ACTR3C: variants seen among roughly 807,000 people sequenced by gnomAD.
ACTR3C encodes the protein actin-related protein 3C.
In ACTR3C, 18 loss-of-function variants were observed where a neutral mutation model predicts 26.3. The ratio of observed to expected loss-of-function variants is 0.68; its 90% CI spans 0.47 to 1.01. The LOEUF (loss-of-function observed/expected upper bound fraction) is 1.01. Ranked by LOEUF, ACTR3C falls within the 50% of genes least tolerant of loss-of-function variation. The probability of loss-of-function intolerance (pLI) is 0.00; values close to 1 mark genes in which losing one functional copy is unlikely to be tolerated. For synonymous variants in ACTR3C, 55 were observed against 94.5 expected, an observed-to-expected ratio of 0.58 and a Z score of 2.42; for missense variants, 184 against 250.7, an observed-to-expected ratio of 0.73 and a Z score of 1.80.
At chr7:150,180,991 A>G in the ACTR3C span, among the ~76,000 whole-genome samples, 2 of 151,514 alleles carry the variant, frequency 1.3e-5, no homozygotes, top group African/African-American at 2.5e-5. Flanking sequence ...ATTTCTAGTC[A>G]GATGTCATTA....
chr7:150,291,603 T>C (rs1250563287), intron 3 of ACTR3C, among the ~76,000 whole-genome samples: 1 of 152,242 alleles, frequency 6.6e-6, no homozygotes, highest in African/African-American at 2.4e-5. Context: ...CGATTAAAAA[T>C]CTTTTCAAAC....
the ACTR3C span, among the ~76,000 whole-genome samples, chr7:149,936,943 C>T: frequency 6.6e-6 from 1 of 151,444 alleles, no homozygotes; most frequent in African/African-American, 2.4e-5. Flanking sequence ...GCATGTGCCA[C>T]CATACCCAGC....
the ACTR3C span, among the ~76,000 whole-genome samples, chr7:149,889,577 A>G: frequency 6.6e-6 from 1 of 152,220 alleles, no homozygotes; most frequent in African/African-American, 2.4e-5. Context: ...TAAAGTCACA[A>G]TGAGACATTT....
the ACTR3C span, among the ~76,000 whole-genome samples, chr7:149,912,789 A>C: frequency 0.98 from 148,598 of 151,956 alleles, 72,737 homozygotes; most frequent in East Asian, 1. Flanking sequence ...CGTGAGCCAC[A>C]GTGCCTGGCC....
At chr7:150,035,722 A>G in the ACTR3C span, among the ~76,000 whole-genome samples, 3 of 136,764 alleles carry the variant, frequency 2.2e-5, 1 homozygote, top group East Asian at 4.2e-4. Context: ...GGGGGTGAAG[A>G]TGGTCTGGCT....
In ACTR3C at chr7:150,293,318, G is replaced by A. The variant is rs1182237290; in HGVS notation, c.147C>T (p.Ile49=). ...TATTAACTATTCTGCTTACCACTGG[G>A]ATAACATGGGTGACTCCATCTCCGC... ...IDSGDGVTHV[I]PVAEGYVIGS... The change falls in exon 3 of 8, where the codon ATC becomes ATT. Residue 49 remains isoleucine (I), a synonymous_variant. Transcript: ENST00000683684. 1 of 1,583,160 alleles carries A rather than the reference G, an allele frequency of 6.3e-7. No homozygotes were observed. The highest frequency in any genetic ancestry group is 2.3e-5 in the East Asian group (1 of 44,150).
chr7:149,914,841 GA>G, the ACTR3C span, among the ~76,000 whole-genome samples: 1 of 151,340 alleles, frequency 6.6e-6, no homozygotes, highest in Non-Finnish European at 1.5e-5. Context: ...CAGAGTAAAG[GA>G]AAAGGATTTT....
At chr7:150,160,565 T>C in the ACTR3C span, among the ~76,000 whole-genome samples, 1 of 152,232 alleles carries the variant, frequency 6.6e-6, no homozygotes, top group Admixed American at 6.5e-5. Context: ...TTGATGTTTA[T>C]ATTTGCTACA....
chr7:150,299,384 G>A (rs575482413), intron 1 of ACTR3C, among the ~76,000 whole-genome samples: 52 of 147,546 alleles, frequency 3.5e-4, no homozygotes, highest in African/African-American at 1.3e-3. Flanking sequence ...CCAGGAGGTC[G>A]AGGCTGTCTG....
the ACTR3C span, among the ~76,000 whole-genome samples, chr7:149,982,848 C>G: frequency 6.6e-6 from 1 of 151,360 alleles, no homozygotes; most frequent in African/African-American, 2.5e-5. Flanking sequence ...ATAATTTTAT[C>G]TTTTTCTCAT....
chr7:150,261,001 C>T (rs11978353), intron 6 of ACTR3C, among the ~76,000 whole-genome samples: 16,968 of 150,452 alleles, frequency 0.11, 1,756 homozygotes, highest in African/African-American at 0.26. Flanking sequence ...TATATTGAAA[C>T]TGTAGTACTA....
the ACTR3C span, among the ~76,000 whole-genome samples, chr7:149,982,078 T>A: frequency 6.6e-6 from 1 of 152,192 alleles, no homozygotes. Flanking sequence ...CAAAAAAGAC[T>A]GCAGAAGCCT....
At chr7:150,036,797 C>T in the ACTR3C span, among the ~76,000 whole-genome samples, 1 of 137,490 alleles carries the variant, frequency 7.3e-6, no homozygotes, top group Non-Finnish European at 1.7e-5. Flanking sequence ...AATTGGACAC[C>T]TAACACCCAC....
chr7:150,288,745 C>A (rs1835977275), intron 4 of ACTR3C, among the ~76,000 whole-genome samples: 1 of 145,754 alleles, frequency 6.9e-6, no homozygotes, highest in Admixed American at 6.7e-5. Flanking sequence ...TTCCCCACAT[C>A]ACCATTTCAG....
the ACTR3C span, among the ~76,000 whole-genome samples, chr7:149,987,509 A>G: frequency 6.7e-6 from 1 of 148,158 alleles, no homozygotes; most frequent in African/African-American, 2.5e-5. Flanking sequence ...AGAGGTTGCA[A>G]TGAACTGAGA....
chr7:150,056,251 C>A, the ACTR3C span, among the ~76,000 whole-genome samples: 2 of 152,070 alleles, frequency 1.3e-5, no homozygotes, highest in African/African-American at 4.8e-5. Flanking sequence ...AAAAGAAATA[C>A]CCCACACAGG....
the ACTR3C span, among the ~76,000 whole-genome samples, chr7:150,209,206 CAGAG>C: frequency 1.2e-4 from 16 of 136,120 alleles, 1 homozygote; most frequent in South Asian, 2.2e-4. Context: ...CACACACATA[CAGAG>C]AGAGAGAGAG....
At chr7:150,114,436 A>G in the ACTR3C span, among the ~76,000 whole-genome samples, 1 of 152,120 alleles carries the variant, frequency 6.6e-6, no homozygotes, top group Non-Finnish European at 1.5e-5. Context: ...GGGCCTGAAG[A>G]TGTGAGATGA....
chr7:150,099,694 C>G, the ACTR3C span, among the ~76,000 whole-genome samples: 1 of 151,588 alleles, frequency 6.6e-6, no homozygotes, highest in Non-Finnish European at 1.5e-5. Context: ...ACTGCCCCCA[C>G]CTTGTCATCT....
Sources: allele counts gnomAD v4.1 joint callset (sites outside exome capture counted in the v4.1 genomes callset), GRCh38; gene constraint gnomAD v4.1.1; transcripts MANE v1.5; gene names NCBI Gene and HGNC (gene_info 2026-07-23, HGNC 2026-07-21).